The following PTPRD variants were observed in gnomAD, a reference collection of about 807,000 sequenced individuals.
The protein encoded by PTPRD is receptor-type tyrosine-protein phosphatase delta.
PTPRD carries 34 observed loss-of-function variants against 214.5 expected under a neutral mutation model. The observed-to-expected ratio is 0.16, with a 90% CI of 0.12 to 0.21. The LOEUF (loss-of-function observed/expected upper bound fraction) is 0.21, where lower values mean the gene tolerates loss of function less well. PTPRD is among the 10% of genes least tolerant of loss of function. PTPRD has a pLI of 1.00. For missense variants in PTPRD, 2,545 were observed against 2,398.7 expected (o/e 1.06, Z -1.27); for synonymous variants, 1,128 against 845.7 (o/e 1.33, Z -5.79).
intron 11 of PTPRD, among the ~76,000 whole-genome samples, chr9:8,738,501 T>G (rs1330819863): frequency 6.6e-6 from 1 of 151,910 alleles, no homozygotes; most frequent in Admixed American, 6.6e-5. Context: ...AGAAAATTAG[T>G]CAACATCTTG....
intron 3 of PTPRD, among the ~76,000 whole-genome samples, chr9:10,223,006 GA>G (rs1184192379): frequency 2.0e-5 from 3 of 152,010 alleles, no homozygotes; most frequent in African/African-American, 7.2e-5. Context: ...GAAAGACAGA[GA>G]ATGAAGAGTA....
At chr9:9,190,895 G>A (rs1042239611) in intron 9 of PTPRD, among the ~76,000 whole-genome samples, 1 of 152,032 alleles carries the variant, frequency 6.6e-6, no homozygotes, top group Non-Finnish European at 1.5e-5. Context: ...GGGACTGTTG[G>A]AGAGAGTGAG....
At position 8,647,484 on chromosome 9, in the gene PTPRD, T is replaced by C. The variant is rs1393512334; in HGVS notation, c.65-10640A>G. ...TGTGAATATCTTTTATGACCACAAA[T>C]AAATTCATCATGTTTATATTATAAA... On this transcript the variant is annotated intron_variant, in intron 12 of 45. Transcript: ENST00000381196. 2.6e-5 allele frequency among the ~76,000 whole-genome samples: 4 copies of C among 152,216 alleles called. No individual in the cohort carries two copies. The South Asian group carries it at 6.2e-4, about 24-fold the overall frequency.
At chr9:8,644,982 C>A (rs2096656576) in intron 12 of PTPRD, among the ~76,000 whole-genome samples, 1 of 152,204 alleles carries the variant, frequency 6.6e-6, no homozygotes, top group Admixed American at 6.5e-5. Flanking sequence ...GAAAATAACA[C>A]CCCAAAGATC....
At chr9:10,163,890 A>G (rs2099143319) in intron 3 of PTPRD, among the ~76,000 whole-genome samples, 2 of 151,606 alleles carry the variant, frequency 1.3e-5, no homozygotes, top group South Asian at 4.1e-4. Context: ...TACCATTTTC[A>G]TAACTTGAAT....
intron 14 of PTPRD, among the ~76,000 whole-genome samples, chr9:8,568,080 G>C (rs902257789): frequency 6.6e-6 from 1 of 152,032 alleles, no homozygotes; most frequent in African/African-American, 2.4e-5. Context: ...CATTATAATA[G>C]AAAGAGAAAC....
intron 4 of PTPRD, among the ~76,000 whole-genome samples, chr9:9,996,990 T>C (rs777809527): frequency 6.6e-6 from 1 of 152,146 alleles, no homozygotes; most frequent in Non-Finnish European, 1.5e-5. Context: ...GAGCAGTCAG[T>C]AGAAACTATC....
In PTPRD at chr9:10,056,971, A is replaced by G. The variant is rs981057465; in HGVS notation, c.-544-23181T>C. 3.9e-5 allele frequency among the ~76,000 whole-genome samples: 6 copies of G among 152,274 alleles called. No homozygotes were observed. The East Asian group carries it at 9.7e-4, about 25-fold the overall frequency. ...TGGTTATAAAAATAGGTGAATTTGT[A>G]TCAAGTAGAGAATTGTAAACATAAG... On this transcript the variant is annotated intron_variant, in intron 3 of 45. Transcript: ENST00000381196.
chr9:8,653,489 G>T (rs2096852704), intron 12 of PTPRD, among the ~76,000 whole-genome samples: 1 of 152,054 alleles, frequency 6.6e-6, no homozygotes, highest in African/African-American at 2.4e-5. Context: ...CCCACCAGTG[G>T]TCCTGAACCC....
intron 14 of PTPRD, among the ~76,000 whole-genome samples, chr9:8,606,280 A>C (rs1463596208): frequency 2.0e-5 from 3 of 152,170 alleles, no homozygotes; most frequent in African/African-American, 7.2e-5. Flanking sequence ...AATAGGCATG[A>C]TTCTACAATT....
At position 8,316,705 on chromosome 9, in the gene PTPRD, T is replaced by C. The variant is rs919075949; in HGVS notation, c.*1169A>G. The C allele has an allele frequency of 5.6e-5, 13 of 230,960 alleles. No individual in the cohort carries two copies. Among genetic ancestry groups the C allele is most frequent in the African/African-American group, 2.7e-4 (12 of 45,136 alleles). The allele number at this position is 230,960 out of a possible 1,614,324, so 14.3% of individuals were successfully genotyped here. ...ACAAACAAACAAAACAATTTGTGGA[T>C]GTGATTGATTGGTTAGGTGGGGGTA... On this transcript the variant is annotated 3_prime_UTR_variant, in exon 46 of 46. Coordinates refer to ENST00000381196, the MANE Select transcript of PTPRD (RefSeq NM_002839.4).
At chr9:8,705,057 T>A (rs2098175051) in intron 12 of PTPRD, among the ~76,000 whole-genome samples, 1 of 152,212 alleles carries the variant, frequency 6.6e-6, no homozygotes, top group African/African-American at 2.4e-5. Flanking sequence ...AACACACTTC[T>A]ATCTGAGCCT....
chr9:8,645,958 C>T (rs900481062), intron 12 of PTPRD, among the ~76,000 whole-genome samples: 6 of 151,904 alleles, frequency 3.9e-5, no homozygotes, highest in Admixed American at 2.0e-4. Context: ...TTAAGTTCTA[C>T]TGATTTATCA....
chr9:10,067,434 C>T (rs952220909), intron 3 of PTPRD, among the ~76,000 whole-genome samples: 1 of 151,808 alleles, frequency 6.6e-6, no homozygotes, highest in Non-Finnish European at 1.5e-5. Flanking sequence ...ATACATCTTT[C>T]ACAGAGCACT....
chr9:9,056,726 A>T (rs1185088170), intron 10 of PTPRD, among the ~76,000 whole-genome samples: 1 of 152,182 alleles, frequency 6.6e-6, no homozygotes, highest in Non-Finnish European at 1.5e-5. Context: ...TCTACCACCA[A>T]GTCTTCCATG....
intron 10 of PTPRD, among the ~76,000 whole-genome samples, chr9:9,081,723 T>C (rs1231981678): frequency 6.6e-6 from 1 of 152,126 alleles, no homozygotes; most frequent in African/African-American, 2.4e-5. Context: ...CTCTTCTTGT[T>C]GCAATGATTC....
chr9:9,111,816 A>G (rs1267572528), intron 10 of PTPRD, among the ~76,000 whole-genome samples: 1 of 152,188 alleles, frequency 6.6e-6, no homozygotes, highest in African/African-American at 2.4e-5. Flanking sequence ...TATCTGAAAT[A>G]ATTATAGAAG....
At chr9:8,835,123 G>C (rs58887696) in intron 11 of PTPRD, among the ~76,000 whole-genome samples, 2 of 152,132 alleles carry the variant, frequency 1.3e-5, no homozygotes, top group African/African-American at 4.8e-5. Flanking sequence ...GAATCAGAGA[G>C]TCAGCAAAGC....
intron 2 of PTPRD, among the ~76,000 whole-genome samples, chr9:10,461,806 G>C (rs1010487676): frequency 1.3e-5 from 2 of 151,940 alleles, no homozygotes; most frequent in African/African-American, 4.8e-5. Flanking sequence ...ATTTTTAGTA[G>C]AGACGGGGTT....
Sources: allele counts gnomAD v4.1 joint callset (sites outside exome capture counted in the v4.1 genomes callset), GRCh38; gene constraint gnomAD v4.1.1; transcripts MANE v1.5; gene names NCBI Gene and HGNC (gene_info 2026-07-23, HGNC 2026-07-21).